Variants in PDE1C observed in about 807,000 individuals in gnomAD.
PDE1C encodes phosphodiesterase 1C, also known as dual specificity calcium/calmodulin-dependent 3',5'-cyclic nucleotide phosphodiesterase 1C.
A neutral mutation model predicts 93.1 loss-of-function variants in PDE1C; 62 were observed. That is an observed-to-expected ratio of 0.67 (90% confidence interval 0.54 to 0.82). The LOEUF (loss-of-function observed/expected upper bound fraction) is 0.82, where lower values mean the gene tolerates loss of function less well. Ranked by LOEUF, PDE1C falls within the 40% of genes least tolerant of loss-of-function variation. The pLI is 0.00. For missense variants in PDE1C, 742 were observed against 884.6 expected, an observed-to-expected ratio of 0.84 and a Z score of 2.04; for synonymous variants, 325 against 310.1, an observed-to-expected ratio of 1.05 and a Z score of -0.50.
chr7:32,157,689 G>C (rs749366349), intron 3 of PDE1C, among the ~76,000 whole-genome samples: 1 of 152,168 alleles, frequency 6.6e-6, no homozygotes, highest in Non-Finnish European at 1.5e-5. Context: ...TTATTCTTAA[G>C]AGATACAAGC....
At chr7:32,411,652 A>T (rs938172262) in intron 1 of PDE1C, among the ~76,000 whole-genome samples, 2 of 152,198 alleles carry the variant, frequency 1.3e-5, no homozygotes, top group African/African-American at 4.8e-5. Flanking sequence ...GACTTCATAA[A>T]CACTGTACAC....
At chr7:32,131,937 T>TAGC (rs1327374308) in intron 3 of PDE1C, among the ~76,000 whole-genome samples, 6 of 152,090 alleles carry the variant, frequency 3.9e-5, no homozygotes, top group African/African-American at 1.4e-4. Context: ...GTAGTAGTAG[T>TAGC]AGCACTAGTA....
the PDE1C span, among the ~76,000 whole-genome samples, chr7:31,621,809 G>A: frequency 2.7e-5 from 4 of 150,942 alleles, no homozygotes; most frequent in Non-Finnish European, 5.9e-5. Flanking sequence ...GACACAGACT[G>A]GCAAATTGGA....
intron 16 of PDE1C, among the ~76,000 whole-genome samples, chr7:31,779,189 TAGA>T (rs2128635048): frequency 6.6e-6 from 1 of 152,324 alleles, no homozygotes; most frequent in African/African-American, 2.4e-5. Flanking sequence ...CCTTGTGTGG[TAGA>T]AATTTCCTTT....
Position 31,964,469 on chromosome 7 carries a change from T to G in PDE1C, c.129-83609A>C, listed in dbSNP as rs776158537. 2.5e-3 allele frequency among the ~76,000 whole-genome samples: 381 copies of G among 152,322 alleles called. 3 individuals carry two copies. The highest frequency in any genetic ancestry group is 8.8e-3 in the African/African-American group (364 of 41,584). The stretch of plus-strand genomic sequence containing the variant: ...AACAAAGCAGCTGGGAAGCTCAAAC[T>G]GGGTGGAGACCACCACAGCTCAAGG... On this transcript the variant is annotated intron_variant, in intron 2 of 17. Coordinates refer to ENST00000396191, the MANE Select transcript of PDE1C (RefSeq NM_001191057.4).
chr7:32,124,086 G>A (rs767434975), intron 3 of PDE1C, among the ~76,000 whole-genome samples: 11 of 152,086 alleles, frequency 7.2e-5, no homozygotes, highest in Non-Finnish European at 1.0e-4. Flanking sequence ...GCCAAATCAT[G>A]AATGAACTCC....
intron 1 of PDE1C, among the ~76,000 whole-genome samples, chr7:32,328,738 CAT>C (rs1451112010): frequency 6.6e-6 from 1 of 152,192 alleles, no homozygotes; most frequent in Non-Finnish European, 1.5e-5. Flanking sequence ...AACTGGCCTC[CAT>C]TATCAACAGT....
chr7:31,970,229 TATC>T (rs1222718432), intron 2 of PDE1C, among the ~76,000 whole-genome samples: 8 of 152,180 alleles, frequency 5.3e-5, no homozygotes, highest in Admixed American at 2.6e-4. Context: ...CGAGCTGACA[TATC>T]ATTGAGTCAG....
At chr7:31,901,412 G>C (rs1367003394) in intron 2 of PDE1C, among the ~76,000 whole-genome samples, 1 of 150,704 alleles carries the variant, frequency 6.6e-6, no homozygotes, top group Admixed American at 6.6e-5. Context: ...ATATATCTAG[G>C]AAAAAATGTA....
chr7:31,738,770 T>A, the PDE1C span, among the ~76,000 whole-genome samples: 1 of 151,982 alleles, frequency 6.6e-6, no homozygotes, highest in African/African-American at 2.4e-5. Flanking sequence ...AACAGAAGCA[T>A]CCCCAGGTGC....
At chr7:31,635,582 C>T in the PDE1C span, among the ~76,000 whole-genome samples, 1 of 152,168 alleles carries the variant, frequency 6.6e-6, no homozygotes, top group South Asian at 2.1e-4. Context: ...AAGTATACCT[C>T]TTTTGGAGGA....
At chr7:32,190,498 T>C (rs1804161545) in intron 2 of PDE1C, among the ~76,000 whole-genome samples, 1 of 152,260 alleles carries the variant, frequency 6.6e-6, no homozygotes, top group African/African-American at 2.4e-5. Flanking sequence ...TTATGACTGA[T>C]AAATCATGTG....
chr7:32,218,589 G>A (rs1806606585), intron 1 of PDE1C, among the ~76,000 whole-genome samples: 1 of 152,168 alleles, frequency 6.6e-6, no homozygotes, highest in Non-Finnish European at 1.5e-5. Context: ...TAGTTTGGAA[G>A]AATTTGAGTC....
At chr7:31,647,940 A>T in the PDE1C span, among the ~76,000 whole-genome samples, 1 of 152,166 alleles carries the variant, frequency 6.6e-6, no homozygotes, top group Non-Finnish European at 1.5e-5. Flanking sequence ...TTTCACATAT[A>T]AGTGAGTTAT....
intron 2 of PDE1C, among the ~76,000 whole-genome samples, chr7:31,951,054 C>T (rs894873494): frequency 4.2e-4 from 64 of 152,280 alleles, no homozygotes; most frequent in African/African-American, 1.5e-3. Context: ...CTCACGGTGT[C>T]CTCAAATGGC....
chr7:32,302,495 T>C (rs1812904311), upstream of PDE1C, among the ~76,000 whole-genome samples: 1 of 152,226 alleles, frequency 6.6e-6, no homozygotes, highest in African/African-American at 2.4e-5. Flanking sequence ...GATTAAATAA[T>C]GTCCTTCAAA....
chr7:31,718,770 G>A, the PDE1C span, among the ~76,000 whole-genome samples: 3 of 152,196 alleles, frequency 2.0e-5, no homozygotes, highest in Admixed American at 6.5e-5. Context: ...AGCTGGACAA[G>A]GGTGAATTAT....
intron 1 of PDE1C, among the ~76,000 whole-genome samples, chr7:32,336,470 T>C (rs1399224682): frequency 6.6e-6 from 1 of 152,182 alleles, no homozygotes; most frequent in Non-Finnish European, 1.5e-5. Context: ...CTGAAACTAG[T>C]GATTAGAAAC....
At chr7:32,025,087 C>T (rs1270041275) in intron 2 of PDE1C, among the ~76,000 whole-genome samples, 1 of 152,080 alleles carries the variant, frequency 6.6e-6, no homozygotes, top group Non-Finnish European at 1.5e-5. Context: ...AATACAATCC[C>T]TTCATGCCGA....
Sources: gnomAD v4.1 joint callset for allele counts (sites outside exome capture counted in the v4.1 genomes callset) on GRCh38, gnomAD v4.1.1 for gene constraint, MANE v1.5 for transcripts, NCBI Gene and HGNC (gene_info 2026-07-23, HGNC 2026-07-21) for gene names.